Variants in RAB8B observed in about 807,000 individuals in gnomAD.
The protein encoded by RAB8B is ras-related protein Rab-8B.
In RAB8B, 11 loss-of-function variants were observed where a neutral mutation model predicts 32.0. The observed-to-expected ratio is 0.34, with a 90% CI of 0.22 to 0.57. RAB8B has a LOEUF of 0.57. Ranked by LOEUF, RAB8B falls within the 20% of genes least tolerant of loss-of-function variation. The pLI is 0.86. For synonymous variants in RAB8B, 103 were observed against 89.6 expected, an observed-to-expected ratio of 1.15 and a Z score of -0.85; for missense variants, 190 against 258.5, an observed-to-expected ratio of 0.73 and a Z score of 1.82.
intron 1 of RAB8B, among the ~76,000 whole-genome samples, chr15:63,239,568 C>A (rs1217579619): frequency 7.2e-5 from 11 of 152,084 alleles, no homozygotes; most frequent in Admixed American, 4.6e-4. Context: ...AGGCACCCAC[C>A]ACCACACCCA....
intron 1 of RAB8B, among the ~76,000 whole-genome samples, chr15:63,219,872 A>G (rs2037828951): frequency 6.6e-6 from 1 of 152,020 alleles, no homozygotes. Context: ...TAATGAGTCT[A>G]TTATCTCTCT....
chr15:63,214,361 G>A (rs1057301813), intron 1 of RAB8B, among the ~76,000 whole-genome samples: 4 of 139,120 alleles, frequency 2.9e-5, no homozygotes, highest in East Asian at 2.4e-4. Context: ...CCATGATCTC[G>A]GCTCACTGTA....
chr15:63,265,150 GCTA>G lies in RAB8B; in HGVS notation c.*1535_*1537del, dbSNP rs2038235752. On this transcript the variant is annotated 3_prime_UTR_variant, in exon 8 of 8. Transcript: ENST00000321437. The surrounding 1 kb of genome is among the most constrained non-coding windows in gnomAD (Gnocchi z 4.9). ...GGTATGCCTGTTTTGCTTCACAAAG[GCTA>G]CTATCATGCTGGATAGATAAGAACA... The G allele has an allele frequency of 6.6e-6, 1 of 152,490 alleles. No individual in the cohort carries two copies. The highest frequency in any genetic ancestry group is 1.9e-4 in the East Asian group (1 of 5,206). The allele number at this position is 152,490 out of a possible 1,614,324, so 9.4% of individuals were successfully genotyped here.
intron 1 of RAB8B, among the ~76,000 whole-genome samples, chr15:63,192,364 A>G (rs1339342765): frequency 2.6e-5 from 4 of 152,078 alleles, no homozygotes; most frequent in African/African-American, 7.2e-5. Context: ...TCTAGCAGCC[A>G]CTCCCTCCAT....
chr15:63,261,158 G>A (rs1333244377), intron 6 of RAB8B, among the ~76,000 whole-genome samples: 2 of 152,102 alleles, frequency 1.3e-5, no homozygotes, highest in Non-Finnish European at 2.9e-5. Context: ...ATGGCCAACA[G>A]GTATATGAAA....
rs1264036115 is a variant in RAB8B, at chr15:63,266,473, T to G, written c.*2854T>G. ...TTTACAGAAACATTTTGTGCAGTCT[T>G]TGTTATAAATTTTCAGAAGACTATA... On this transcript the variant is annotated 3_prime_UTR_variant, in exon 8 of 8. Transcript: ENST00000321437. 6.6e-6 allele frequency: 1 copy of G among 152,586 alleles called. No individual in the cohort carries two copies. Among genetic ancestry groups the G allele is most frequent in the East Asian group, 1.9e-4 (1 of 5,202 alleles). The allele number at this position is 152,586 out of a possible 1,614,324, so 9.5% of individuals were successfully genotyped here. A position where few individuals can be genotyped will look rare whatever the true frequency, so the allele number is the denominator to read the frequency against.
intron 1 of RAB8B, among the ~76,000 whole-genome samples, chr15:63,203,483 C>T (rs1221674871): frequency 6.6e-6 from 1 of 152,206 alleles, no homozygotes; most frequent in Non-Finnish European, 1.5e-5. Context: ...ATGGAAAGCA[C>T]ACACAAAAAG....
chr15:63,217,890 T>C (rs1299119973), intron 1 of RAB8B, among the ~76,000 whole-genome samples: 1 of 152,200 alleles, frequency 6.6e-6, no homozygotes, highest in East Asian at 1.9e-4. Flanking sequence ...TTTCCCTAGA[T>C]TGAGAGTACA....
chr15:63,227,267 G>T (rs2037896445), intron 1 of RAB8B, among the ~76,000 whole-genome samples: 2 of 152,088 alleles, frequency 1.3e-5, no homozygotes, highest in Admixed American at 1.3e-4. Context: ...ATCCACTGTT[G>T]TATGTATTTC....
intron 1 of RAB8B, among the ~76,000 whole-genome samples, chr15:63,216,320 C>T (rs1338912068): frequency 1.3e-5 from 2 of 150,730 alleles, no homozygotes; most frequent in African/African-American, 4.9e-5. Flanking sequence ...CCTCCGCCTC[C>T]TGGTTTCATG....
chr15:63,194,436 G>A (rs1007404632), intron 1 of RAB8B, among the ~76,000 whole-genome samples: 2 of 152,202 alleles, frequency 1.3e-5, no homozygotes, highest in South Asian at 2.1e-4. Context: ...TTGATTAGCC[G>A]AGTCTGTTCA....
chr15:63,257,239 A>G (rs1220837479), intron 5 of RAB8B, among the ~76,000 whole-genome samples: 3 of 151,732 alleles, frequency 2.0e-5, no homozygotes, highest in Admixed American at 1.3e-4. Flanking sequence ...AAAAAATTAT[A>G]TATGCAAAAT....
chr15:63,194,777 G>C (rs1017623417), intron 1 of RAB8B, among the ~76,000 whole-genome samples: 1 of 152,232 alleles, frequency 6.6e-6, no homozygotes, highest in East Asian at 1.9e-4. Flanking sequence ...CCTGCAGCCT[G>C]TTTTTGTGTA....
intron 1 of RAB8B, among the ~76,000 whole-genome samples, chr15:63,204,943 A>G (rs2037685945): frequency 6.6e-6 from 1 of 152,074 alleles, no homozygotes; most frequent in Admixed American, 6.5e-5. Flanking sequence ...GGCTTGCTTG[A>G]GCTCAGGAGT....
intron 1 of RAB8B, among the ~76,000 whole-genome samples, chr15:63,229,259 T>C (rs1435207406): frequency 1.3e-5 from 2 of 152,166 alleles, no homozygotes; most frequent in African/African-American, 4.8e-5. Flanking sequence ...AGAAGACATA[T>C]CTTTTGGTTG....
At chr15:63,217,443 C>G (rs1406984639) in intron 1 of RAB8B, among the ~76,000 whole-genome samples, 3 of 152,150 alleles carry the variant, frequency 2.0e-5, no homozygotes, top group Non-Finnish European at 4.4e-5. Context: ...GTTTTTGGGT[C>G]AGTGAGAAAG....
At chr15:63,254,776 G>T (rs1399269479) in intron 3 of RAB8B, among the ~76,000 whole-genome samples, 1 of 152,086 alleles carries the variant, frequency 6.6e-6, no homozygotes, top group Non-Finnish European at 1.5e-5. Flanking sequence ...GCTGTGTGTG[G>T]TGGCGGGCGC....
chr15:63,240,444 G>A (rs1219692318), intron 1 of RAB8B, among the ~76,000 whole-genome samples: 1 of 152,098 alleles, frequency 6.6e-6, no homozygotes, highest in Admixed American at 6.6e-5. Flanking sequence ...AGGATATATA[G>A]GTTCAGAGCA....
intron 3 of RAB8B, among the ~76,000 whole-genome samples, chr15:63,254,578 C>T (rs1280582663): frequency 6.6e-6 from 1 of 151,982 alleles, no homozygotes; most frequent in Admixed American, 6.6e-5. Context: ...CAGTAGCATA[C>T]AGGTGTTAGT....
Sources: allele counts gnomAD v4.1 joint callset (sites outside exome capture counted in the v4.1 genomes callset), GRCh38; gene constraint gnomAD v4.1.1; non-coding constraint Gnocchi (gnomAD v3.1); transcripts MANE v1.5; gene names NCBI Gene and HGNC (gene_info 2026-07-23, HGNC 2026-07-21).